The following BLOC1S2 variants were observed in gnomAD, a reference collection of about 807,000 sequenced individuals.
BLOC1S2 encodes biogenesis of lysosome-related organelles complex 1 subunit 2.
A neutral mutation model predicts 19.6 loss-of-function variants in BLOC1S2; 12 were observed. The ratio of observed to expected loss-of-function variants is 0.61; its 90% confidence interval spans 0.39 to 0.99. The LOEUF (loss-of-function observed/expected upper bound fraction) is 0.99, where lower values mean the gene tolerates loss of function less well. BLOC1S2 is among the 50% of genes least tolerant of loss of function. BLOC1S2 has a pLI of 0.00. For synonymous variants in BLOC1S2, 66 were observed against 64.1 expected, an observed-to-expected ratio of 1.03 and a Z score of -0.14; for missense variants, 142 against 171.0, an observed-to-expected ratio of 0.83 and a Z score of 0.95.
At chr10:100,277,486 GT>G (rs1847930565) in intron 4 of BLOC1S2, among the ~76,000 whole-genome samples, 3 of 122,542 alleles carry the variant, frequency 2.4e-5, no homozygotes, top group Admixed American at 7.7e-5. Context: ...CCGGCCAGCC[GT>G]CCCGTCCGGG....
intron 4 of BLOC1S2, among the ~76,000 whole-genome samples, chr10:100,275,883 C>T (rs961379721): frequency 9.2e-5 from 14 of 152,332 alleles, no homozygotes; most frequent in Non-Finnish European, 1.3e-4. Flanking sequence ...ATGTATGTTT[C>T]CTCCTGTATG....
intron 2 of BLOC1S2, among the ~76,000 whole-genome samples, chr10:100,281,676 C>T (rs1372388674): frequency 8.6e-6 from 1 of 115,852 alleles, no homozygotes; most frequent in Admixed American, 8.7e-5. Flanking sequence ...GAGTGAGACT[C>T]CATCTCAAAA....
chr10:100,282,363 A>G (rs1443353940), intron 2 of BLOC1S2, among the ~76,000 whole-genome samples: 1 of 152,200 alleles, frequency 6.6e-6, no homozygotes, highest in Non-Finnish European at 1.5e-5. Flanking sequence ...TGGCCCTACC[A>G]TCCAGAGATT....
intron 4 of BLOC1S2, among the ~76,000 whole-genome samples, chr10:100,277,785 A>G (rs1847956119): frequency 8.9e-6 from 1 of 112,072 alleles, no homozygotes; most frequent in Admixed American, 8.9e-5. Flanking sequence ...CCTACTGGGA[A>G]GTGAGGAGCC....
intron 2 of BLOC1S2, among the ~76,000 whole-genome samples, chr10:100,283,697 C>G (rs1848166094): frequency 6.6e-6 from 1 of 151,968 alleles, no homozygotes; most frequent in African/African-American, 2.4e-5. Flanking sequence ...ATGGCAAAAC[C>G]TCATCTCTAC....
intron 3 of BLOC1S2, 63 bp downstream of exon 3, chr10:100,280,871 A>T: frequency 6.6e-7 from 1 of 1,517,558 alleles, no homozygotes; most frequent in Non-Finnish European, 8.8e-7. Flanking sequence ...CCTCTTCTCC[A>T]TGGCCCCAAG....
intron 2 of BLOC1S2, among the ~76,000 whole-genome samples, chr10:100,281,728 AC>A (rs1161954519): frequency 6.7e-6 from 1 of 150,302 alleles, no homozygotes; most frequent in Non-Finnish European, 1.5e-5. Flanking sequence ...ACACACACAC[AC>A]ACACACACAC....
At chr10:100,281,835 ATC>A (rs1241714957) in intron 2 of BLOC1S2, among the ~76,000 whole-genome samples, 1 of 151,822 alleles carries the variant, frequency 6.6e-6, no homozygotes, top group Non-Finnish European at 1.5e-5. Context: ...TTTCCAAACC[ATC>A]TGTCTGCTTC....
At chr10:100,277,524 CCTGG>C (rs1350257187) in intron 4 of BLOC1S2, among the ~76,000 whole-genome samples, 54 of 113,284 alleles carry the variant, frequency 4.8e-4, no homozygotes, top group African/African-American at 1.8e-3. Context: ...CAGCCCCCCG[CCTGG>C]CCAGCTGTCC....
intron 2 of BLOC1S2, among the ~76,000 whole-genome samples, chr10:100,281,681 T>TAAAAA (rs1848105625): frequency 1.2e-5 from 1 of 86,530 alleles, no homozygotes; most frequent in African/African-American, 5.8e-5. Context: ...AGACTCCATC[T>TAAAAA]CAAAAAAAAA....
At chr10:100,277,396 G>GC (rs1847924152) in intron 4 of BLOC1S2, among the ~76,000 whole-genome samples, 2 of 145,268 alleles carry the variant, frequency 1.4e-5, no homozygotes, top group African/African-American at 5.1e-5. Context: ...CTGCCCGGCC[G>GC]CCCCTACTGG....
In BLOC1S2 at chr10:100,275,154, C is replaced by T. The variant is rs368154127; in HGVS notation, c.*308G>A. 1.1e-4 allele frequency: 45 copies of T among 405,096 alleles called. No homozygotes were observed. The highest frequency in any genetic ancestry group is 1.0e-3 in the East Asian group (29 of 28,552). 25.1% of individuals were successfully genotyped at this position (405,096 alleles called of 1,614,324 possible). On this transcript the variant is annotated 3_prime_UTR_variant, in exon 5 of 5. Transcript: ENST00000370372. ...ACCACTACCAGAGAAAATAGGTCCT[C>T]TCATTTGATTTTACTGGTAAGTCCA...
At chr10:100,280,892 C>T (rs886807435) in intron 3 of BLOC1S2, 42 bp downstream of exon 3, 3 of 1,573,640 alleles carry the variant, frequency 1.9e-6, no homozygotes, top group Non-Finnish European at 2.6e-6. Flanking sequence ...CACAAAAGAA[C>T]ATTAAATACA....
In BLOC1S2 at chr10:100,280,155, A is replaced by G; in HGVS notation, c.366T>C (p.Ala122=). 3 of 1,613,894 alleles carry G rather than the reference A, an allele frequency of 1.9e-6. No individual in the cohort carries two copies. The highest frequency in any genetic ancestry group is 2.5e-6 in the Non-Finnish European group (3 of 1,179,874). ...TTTTTGAATATGCATCCAACTTGTA[A>G]GCTGCCTGCTCAAGAGCTGCTACCT... The part of the protein sequence containing the change: ...EEQVAALEQA[A]YKLDAYSKKL... The change falls in exon 4 of 5, where the codon GCT becomes GCC. Residue 122 remains alanine (A), a synonymous_variant. Coordinates refer to ENST00000370372, the MANE Select transcript of BLOC1S2 (RefSeq NM_173809.5).
At chr10:100,278,305 C>T (rs1311107483) in intron 4 of BLOC1S2, among the ~76,000 whole-genome samples, 2 of 152,102 alleles carry the variant, frequency 1.3e-5, no homozygotes, top group Admixed American at 6.5e-5. Flanking sequence ...AGCCCCTCTG[C>T]CCGGCCACCA....
intron 2 of BLOC1S2, among the ~76,000 whole-genome samples, chr10:100,285,878 G>A (rs1053933458): frequency 6.6e-6 from 1 of 152,172 alleles, no homozygotes; most frequent in African/African-American, 2.4e-5. Context: ...ACTGTTGCTG[G>A]ATATGAACTC....
intron 4 of BLOC1S2, among the ~76,000 whole-genome samples, chr10:100,276,549 C>A (rs1405237933): frequency 6.6e-6 from 1 of 150,498 alleles, no homozygotes; most frequent in Non-Finnish European, 1.5e-5. Flanking sequence ...CCTCTCAAGC[C>A]GGGCCAAAGC....
At chr10:100,283,123 T>G (rs1045066201) in intron 2 of BLOC1S2, among the ~76,000 whole-genome samples, 3 of 152,216 alleles carry the variant, frequency 2.0e-5, no homozygotes, top group African/African-American at 7.2e-5. Flanking sequence ...CCAGCTATTT[T>G]GGCTGATGGC....
chr10:100,280,098 A>C (rs549994140), intron 4 of BLOC1S2, 26 bp downstream of exon 4: 1 of 1,572,552 alleles, frequency 6.4e-7, no homozygotes, highest in Non-Finnish European at 8.7e-7. Flanking sequence ...TCTTTATTAC[A>C]TCAAAACAGA....
Sources: gnomAD v4.1 joint callset for allele counts (sites outside exome capture counted in the v4.1 genomes callset) on GRCh38, gnomAD v4.1.1 for gene constraint, MANE v1.5 for transcripts, NCBI Gene and HGNC (gene_info 2026-07-23, HGNC 2026-07-21) for gene names.